The following CAMTA1 variants were observed in gnomAD, a reference collection of about 807,000 sequenced individuals.
The protein encoded by CAMTA1 is calmodulin binding transcription activator 1, also known as calmodulin-binding transcription activator 1.
CAMTA1 carries 27 observed loss-of-function variants against 170.9 expected under a neutral mutation model. That is an observed-to-expected ratio of 0.16 (90% CI 0.12 to 0.22). The LOEUF (loss-of-function observed/expected upper bound fraction) is 0.22. Ranked by LOEUF, CAMTA1 falls within the 10% of genes least tolerant of loss-of-function variation. The pLI is 1.00. For synonymous variants in CAMTA1, 833 were observed against 891.5 expected (o/e 0.93, Z 1.17); for missense variants, 1,619 against 2,217.2 (o/e 0.73, Z 5.42).
intron 5 of CAMTA1, among the ~76,000 whole-genome samples, chr1:7,429,476 T>C (rs1347150034): frequency 6.6e-6 from 1 of 152,004 alleles, no homozygotes; most frequent in Non-Finnish European, 1.5e-5. Flanking sequence ...ACAGTGATAA[T>C]ACGGGTGATG....
chr1:7,177,102 ACT>A (rs1651007368), intron 4 of CAMTA1, among the ~76,000 whole-genome samples: 1 of 147,936 alleles, frequency 6.8e-6, no homozygotes, highest in Non-Finnish European at 1.5e-5. Flanking sequence ...CCTCCCACAC[ACT>A]GAGGCCCCTC....
intron 6 of CAMTA1, among the ~76,000 whole-genome samples, chr1:7,639,027 G>A (rs2095738898): frequency 6.6e-6 from 1 of 152,182 alleles, no homozygotes; most frequent in Non-Finnish European, 1.5e-5. Context: ...TGCCCAGGCT[G>A]GAGTGCAGGG....
chr1:7,696,196 C>CTGTTT (rs1186831346), intron 11 of CAMTA1, among the ~76,000 whole-genome samples: 1 of 151,882 alleles, frequency 6.6e-6, no homozygotes, highest in African/African-American at 2.4e-5. Flanking sequence ...TTTGTTGTTG[C>CTGTTT]TGTTTTGTTT....
At chr1:6,831,022 G>T (rs1649859391) in intron 3 of CAMTA1, among the ~76,000 whole-genome samples, 1 of 151,422 alleles carries the variant, frequency 6.6e-6, no homozygotes, top group South Asian at 2.1e-4. Context: ...CTTTCACCGT[G>T]TTGGCCAGGA....
intron 8 of CAMTA1, 77 bp from the exon 9 acceptor site, chr1:7,663,276 T>C: frequency 1.3e-6 from 2 of 1,487,184 alleles, no homozygotes; most frequent in Non-Finnish European, 1.8e-6. Flanking sequence ...TAGCTCTGAC[T>C]CTCTTTTGTG....
At chr1:7,184,132 A>C (rs913978802) in intron 4 of CAMTA1, among the ~76,000 whole-genome samples, 1 of 152,216 alleles carries the variant, frequency 6.6e-6, no homozygotes, top group Non-Finnish European at 1.5e-5. Flanking sequence ...CCCGGCACGG[A>C]AAGACAAACT....
chr1:7,066,799 G>A (rs1322948988), intron 3 of CAMTA1, among the ~76,000 whole-genome samples: 1 of 152,212 alleles, frequency 6.6e-6, no homozygotes, highest in African/African-American at 2.4e-5. Context: ...TGAATAATAG[G>A]TAAAGCCAAG....
chr1:7,647,282 G>GT (rs892545651), intron 7 of CAMTA1, among the ~76,000 whole-genome samples: 1 of 151,658 alleles, frequency 6.6e-6, no homozygotes, highest in Non-Finnish European at 1.5e-5. Context: ...TCCAGAAGGG[G>GT]GGGGGGCTGT....
chr1:7,192,549 G>A (rs773216759), intron 4 of CAMTA1, among the ~76,000 whole-genome samples: 1 of 152,322 alleles, frequency 6.6e-6, no homozygotes, highest in African/African-American at 2.4e-5. Flanking sequence ...GAGGCTGGAG[G>A]CAAGTTGGAT....
intron 11 of CAMTA1, among the ~76,000 whole-genome samples, chr1:7,725,187 G>T (rs187170464): frequency 6.6e-6 from 1 of 152,174 alleles, no homozygotes; most frequent in South Asian, 2.1e-4. Context: ...GGAAGGTAGC[G>T]GGAAGGAACT....
chr1:7,639,365 G>A (rs997146030), intron 6 of CAMTA1, among the ~76,000 whole-genome samples: 19 of 152,154 alleles, frequency 1.2e-4, no homozygotes, highest in African/African-American at 3.4e-4. Flanking sequence ...GGGAAACTCC[G>A]CCCCAGAAAC....
chr1:7,322,627 G>C (rs755887642), intron 5 of CAMTA1, among the ~76,000 whole-genome samples: 1 of 152,154 alleles, frequency 6.6e-6, no homozygotes, highest in Non-Finnish European at 1.5e-5. Context: ...AGTCACACTT[G>C]GTTGTTTGCA....
chr1:6,954,972 C>G (rs1689184492), intron 3 of CAMTA1, among the ~76,000 whole-genome samples: 1 of 152,158 alleles, frequency 6.6e-6, no homozygotes, highest in Non-Finnish European at 1.5e-5. Context: ...GCTTCACTTC[C>G]TAGTGTTTAT....
At chr1:7,350,211 C>A (rs2084550964) in intron 5 of CAMTA1, among the ~76,000 whole-genome samples, 1 of 152,174 alleles carries the variant, frequency 6.6e-6, no homozygotes, top group South Asian at 2.1e-4. Flanking sequence ...CTGTGTCCCC[C>A]ACACTGAGCA....
At chr1:7,326,997 T>A (rs974983978) in intron 5 of CAMTA1, among the ~76,000 whole-genome samples, 1 of 152,144 alleles carries the variant, frequency 6.6e-6, no homozygotes, top group Non-Finnish European at 1.5e-5. Context: ...GGAGGTGATA[T>A]GCTGTCTTCA....
In CAMTA1 at chr1:7,769,611, A is replaced by G. The variant is rs765151810; in HGVS notation, c.*3120A>G. 6 of 152,810 alleles carry G rather than the reference A, an allele frequency of 3.9e-5. No individual in the cohort carries two copies. The highest frequency in any genetic ancestry group is 1.3e-4 in the Admixed American group (2 of 15,288). The allele number at this position is 152,810 out of a possible 1,614,324, so 9.5% of individuals were successfully genotyped here. On this transcript the variant is annotated 3_prime_UTR_variant, in exon 23 of 23. Transcript: ENST00000303635. The stretch of plus-strand genomic sequence containing the variant: ...AGAACTCAGCTGCTGGAAACCATGC[A>G]AAATGTTTTGAATTGCCCTTAAAAT...
chr1:7,417,931 G>T (rs1217895823), intron 5 of CAMTA1, among the ~76,000 whole-genome samples: 1 of 152,134 alleles, frequency 6.6e-6, no homozygotes, highest in East Asian at 1.9e-4. Context: ...CCTAAAGCCA[G>T]CTTTTCGCCA....
rs1244155705 is a variant in CAMTA1 at position 7,463,449 on chromosome 1, T to C, written c.439-4381T>C. Among the ~76,000 whole-genome samples, 1 of 135,978 alleles carries C rather than the reference T, an allele frequency of 7.4e-6. No homozygotes were observed. The highest frequency in any genetic ancestry group is 1.6e-5 in the Non-Finnish European group (1 of 63,094). The allele number at this position is 135,978 out of a possible 152,430, so 89.2% of individuals were successfully genotyped here. ...GACGGGGAGAGACAGATGGGGGAAA[T>C]GGGAGAGAGACAGAGAGAGGACAAG... is the stretch of plus-strand genomic sequence containing the variant. On this transcript the variant is annotated intron_variant, in intron 5 of 22. Transcript: ENST00000303635. This position sits in a 1 kb window ranked among gnomAD's most constrained non-coding sequence, Gnocchi z 4.7.
intron 3 of CAMTA1, among the ~76,000 whole-genome samples, chr1:6,978,913 C>T (rs1184500977): frequency 2.0e-5 from 3 of 152,120 alleles, no homozygotes; most frequent in Non-Finnish European, 2.9e-5. Flanking sequence ...ACAACCATCC[C>T]TGTCTGTCTC....
Sources: allele counts gnomAD v4.1 joint callset (sites outside exome capture counted in the v4.1 genomes callset), GRCh38; gene constraint gnomAD v4.1.1; non-coding constraint Gnocchi (gnomAD v3.1); transcripts MANE v1.5; gene names NCBI Gene and HGNC (gene_info 2026-07-23, HGNC 2026-07-21).